Variants in SNX29 observed in about 807,000 individuals in gnomAD.
The protein encoded by SNX29 is sorting nexin 29.
SNX29 carries 78 observed loss-of-function variants against 102.1 expected under a neutral mutation model. That is an observed-to-expected ratio of 0.76 (90% CI 0.64 to 0.92). SNX29 has a LOEUF of 0.92. SNX29 is among the 40% of genes least tolerant of loss of function. SNX29 has a pLI of 0.00. For missense variants in SNX29, 1,280 were observed against 1,061.7 expected, an observed-to-expected ratio of 1.21 and a Z score of -2.86; for synonymous variants, 580 against 414.5, an observed-to-expected ratio of 1.40 and a Z score of -4.85.
chr16:12,107,099 C>T (rs556254842), intron 11 of SNX29, among the ~76,000 whole-genome samples: 6 of 152,320 alleles, frequency 3.9e-5, no homozygotes, highest in South Asian at 4.1e-4. Context: ...ATTCCAGGTG[C>T]GGGCCACGGC....
intron 15 of SNX29, among the ~76,000 whole-genome samples, chr16:12,292,798 G>T (rs1340222096): frequency 6.6e-6 from 1 of 152,174 alleles, no homozygotes; most frequent in South Asian, 2.1e-4. Flanking sequence ...ACCTTCTGTT[G>T]CCTCCCTGTT....
intron 9 of SNX29, among the ~76,000 whole-genome samples, chr16:12,062,852 C>G (rs1044484859): frequency 6.6e-6 from 1 of 152,154 alleles, no homozygotes; most frequent in Non-Finnish European, 1.5e-5. Context: ...GGGACAGTCA[C>G]TGGCAGCAGG....
intron 19 of SNX29, among the ~76,000 whole-genome samples, chr16:12,481,404 A>G (rs2087901838): frequency 6.6e-6 from 1 of 151,562 alleles, no homozygotes; most frequent in South Asian, 2.1e-4. Flanking sequence ...ATACACACAC[A>G]CACACACATA....
intron 18 of SNX29, among the ~76,000 whole-genome samples, chr16:12,409,175 C>G (rs1233227321): frequency 6.6e-6 from 1 of 152,176 alleles, no homozygotes; most frequent in Non-Finnish European, 1.5e-5. Context: ...CTGGCAGGCA[C>G]TAGCCGGAGA....
At chr16:12,011,640 A>AAAT (rs1482537461) in intron 3 of SNX29, among the ~76,000 whole-genome samples, 1 of 152,100 alleles carries the variant, frequency 6.6e-6, no homozygotes, top group Non-Finnish European at 1.5e-5. Context: ...AGTTGTTGAG[A>AAAT]AATACTGCCT....
At chr16:12,421,621 C>G (rs566285776) in intron 18 of SNX29, among the ~76,000 whole-genome samples, 1 of 152,184 alleles carries the variant, frequency 6.6e-6, no homozygotes, top group Non-Finnish European at 1.5e-5. Flanking sequence ...GAGAACTTGA[C>G]GCAATGTCTG....
At chr16:12,544,800 G>C (rs751767878) in intron 20 of SNX29, among the ~76,000 whole-genome samples, 1 of 152,206 alleles carries the variant, frequency 6.6e-6, no homozygotes. Context: ...GGATTCTAGA[G>C]ACCAAACTCT....
rs142550785 is a variant in SNX29 at position 12,044,432 on chromosome 16, A to G, written c.428+1355A>G. 5.7e-3 allele frequency among the ~76,000 whole-genome samples: 871 copies of G among 152,206 alleles called. 4 individuals are homozygous for G. The highest frequency in any genetic ancestry group is 0.015 in the South Asian group (72 of 4,826). ...TTGTTCAATTGTATGGCAAGACTCT[A>G]TGGGTCCAAAATGGGAGTGCTTGGG... is the stretch of plus-strand genomic sequence containing the variant. On this transcript the variant is annotated intron_variant, in intron 5 of 20. Transcript: ENST00000566228.
At chr16:12,160,554 G>A (rs2055740667) in intron 13 of SNX29, among the ~76,000 whole-genome samples, 1 of 152,168 alleles carries the variant, frequency 6.6e-6, no homozygotes, top group Non-Finnish European at 1.5e-5. Flanking sequence ...CAGGGGCCGT[G>A]GTTGGGGTGT....
chr16:12,356,343 C>T (rs2082136430), intron 16 of SNX29, 64 bp downstream of exon 16: 1 of 1,387,414 alleles, frequency 7.2e-7, no homozygotes, highest in African/African-American at 1.4e-5. Flanking sequence ...AGTAGAAAAG[C>T]ACAGAGACTC....
intron 19 of SNX29, among the ~76,000 whole-genome samples, chr16:12,520,725 C>G (rs1490984823): frequency 1.3e-5 from 2 of 152,162 alleles, no homozygotes; most frequent in Admixed American, 6.5e-5. Flanking sequence ...TGTGTTCTCA[C>G]TTATAAGCGG....
chr16:12,197,005 G>A (rs910746811), intron 13 of SNX29, among the ~76,000 whole-genome samples: 2 of 152,202 alleles, frequency 1.3e-5, no homozygotes, highest in Non-Finnish European at 2.9e-5. Flanking sequence ...AAACATTTTA[G>A]TGCTGGCCAC....
chr16:12,188,114 T>C (rs887405481), intron 13 of SNX29, among the ~76,000 whole-genome samples: 2 of 152,182 alleles, frequency 1.3e-5, no homozygotes, highest in African/African-American at 4.8e-5. Flanking sequence ...TGGAATATGA[T>C]GACACTGGAG....
At chr16:12,539,658 T>C (rs575698153) in intron 20 of SNX29, among the ~76,000 whole-genome samples, 23 of 152,276 alleles carry the variant, frequency 1.5e-4, no homozygotes, top group African/African-American at 4.3e-4. Context: ...TCCCACAGCG[T>C]ATGAGGGGCC....
intron 14 of SNX29, among the ~76,000 whole-genome samples, chr16:12,248,425 T>G (rs2078325226): frequency 6.6e-6 from 1 of 150,880 alleles, no homozygotes; most frequent in Admixed American, 6.6e-5. Context: ...TGAGACAGTC[T>G]CACTCTATCA....
intron 20 of SNX29, among the ~76,000 whole-genome samples, 171 bp from the exon 21 acceptor site, chr16:12,568,335 C>T (rs570666411): frequency 2.0e-5 from 3 of 147,602 alleles, no homozygotes; most frequent in African/African-American, 7.4e-5. Context: ...GTTTACGTGA[C>T]AATAGGGGTT....
At chr16:12,147,876 A>G (rs2055131983) in intron 13 of SNX29, among the ~76,000 whole-genome samples, 1 of 152,206 alleles carries the variant, frequency 6.6e-6, no homozygotes, top group African/African-American at 2.4e-5. Context: ...ATCACTGCCA[A>G]GCAACTTCTT....
chr16:12,065,350 T>C (rs915297551), intron 9 of SNX29, among the ~76,000 whole-genome samples: 3 of 152,168 alleles, frequency 2.0e-5, no homozygotes, highest in Admixed American at 6.5e-5. Context: ...CAGGTTTATT[T>C]TGAGTGGGAA....
chr16:12,263,689 A>G (rs945721317), intron 14 of SNX29, among the ~76,000 whole-genome samples: 4 of 152,256 alleles, frequency 2.6e-5, no homozygotes, highest in South Asian at 4.1e-4. Flanking sequence ...TTATAAAGCC[A>G]TGTTAAATGT....
Sources: gnomAD v4.1 joint callset for allele counts (sites outside exome capture counted in the v4.1 genomes callset) on GRCh38, gnomAD v4.1.1 for gene constraint, MANE v1.5 for transcripts, NCBI Gene and HGNC (gene_info 2026-07-23, HGNC 2026-07-21) for gene names.